The following GPC6 variants were observed in gnomAD, a reference collection of about 807,000 sequenced individuals.
GPC6 encodes glypican-6.
GPC6 carries 14 observed loss-of-function variants against 55.2 expected under a neutral mutation model. That is an observed-to-expected ratio of 0.25 (90% CI 0.17 to 0.40). The LOEUF (loss-of-function observed/expected upper bound fraction) is 0.40. Ranked by LOEUF, GPC6 falls within the 10% of genes least tolerant of loss-of-function variation. GPC6 has a pLI of 1.00. For missense variants in GPC6, 641 were observed against 708.5 expected (o/e 0.90, Z 1.08); for synonymous variants, 278 against 259.6 (o/e 1.07, Z -0.68).
chr13:93,623,412 T>C (rs954972000), intron 2 of GPC6, among the ~76,000 whole-genome samples: 1 of 151,774 alleles, frequency 6.6e-6, no homozygotes, highest in African/African-American at 2.4e-5. Flanking sequence ...TGTTCCCTTT[T>C]CTCTACTTCC....
intron 3 of GPC6, among the ~76,000 whole-genome samples, chr13:94,009,199 A>C (rs984314119): frequency 3.3e-5 from 5 of 152,192 alleles, no homozygotes; most frequent in African/African-American, 1.2e-4. Flanking sequence ...GATAAATATT[A>C]CTTATGGACA....
At chr13:93,792,236 T>C (rs998785462) in intron 2 of GPC6, among the ~76,000 whole-genome samples, 1 of 152,268 alleles carries the variant, frequency 6.6e-6, no homozygotes, top group Non-Finnish European at 1.5e-5. Flanking sequence ...TAGTTTTCTC[T>C]AATTTCTAAC....
At chr13:93,636,106 G>A (rs1879682190) in intron 2 of GPC6, among the ~76,000 whole-genome samples, 1 of 152,072 alleles carries the variant, frequency 6.6e-6, no homozygotes, top group Admixed American at 6.6e-5. Context: ...CTATGATGAG[G>A]GAGAGATTAG....
At chr13:93,677,584 G>A (rs751657820) in intron 2 of GPC6, among the ~76,000 whole-genome samples, 7 of 152,000 alleles carry the variant, frequency 4.6e-5, no homozygotes, top group Non-Finnish European at 1.0e-4. Flanking sequence ...TGAAATGGTC[G>A]GTTGAGACTA....
intron 2 of GPC6, among the ~76,000 whole-genome samples, chr13:93,560,584 G>A (rs1462604511): frequency 2.6e-5 from 4 of 151,094 alleles, no homozygotes; most frequent in East Asian, 2.0e-4. Flanking sequence ...GGCCGGGAGC[G>A]GTGGCTCATG....
At chr13:93,731,446 C>G (rs1883816661) in intron 2 of GPC6, among the ~76,000 whole-genome samples, 2 of 152,124 alleles carry the variant, frequency 1.3e-5, no homozygotes, top group South Asian at 4.1e-4. Flanking sequence ...ATGGAACATT[C>G]CAGACTGCTG....
chr13:94,398,096 TA>T (rs1227590547), intron 7 of GPC6, among the ~76,000 whole-genome samples: 1 of 152,154 alleles, frequency 6.6e-6, no homozygotes, highest in Non-Finnish European at 1.5e-5. Flanking sequence ...GTGAATCTAT[TA>T]AACCTCTTTT....
chr13:94,001,063 G>C (rs1881777429), intron 3 of GPC6, among the ~76,000 whole-genome samples: 1 of 152,058 alleles, frequency 6.6e-6, no homozygotes, highest in Non-Finnish European at 1.5e-5. Flanking sequence ...ATATTACCTA[G>C]CTTAAAAGAC....
intron 4 of GPC6, among the ~76,000 whole-genome samples, chr13:94,108,238 G>A (rs1886124654): frequency 6.6e-6 from 1 of 152,070 alleles, no homozygotes; most frequent in African/African-American, 2.4e-5. Flanking sequence ...AGCATTCACA[G>A]CAACCTGGAT....
At chr13:94,006,516 G>A (rs1882026871) in intron 3 of GPC6, among the ~76,000 whole-genome samples, 1 of 152,168 alleles carries the variant, frequency 6.6e-6, no homozygotes, top group Admixed American at 6.6e-5. Flanking sequence ...TTGTATGATA[G>A]CATCAAGGTT....
At chr13:94,014,837 A>G (rs891542657) in intron 3 of GPC6, among the ~76,000 whole-genome samples, 2 of 152,216 alleles carry the variant, frequency 1.3e-5, no homozygotes, top group Admixed American at 1.3e-4. Context: ...ATGTTTTCAA[A>G]GTTCATCCAT....
intron 2 of GPC6, among the ~76,000 whole-genome samples, chr13:93,695,603 A>G (rs1419816463): frequency 2.6e-5 from 4 of 152,254 alleles, no homozygotes; most frequent in South Asian, 4.1e-4. Context: ...CTCAAAATAC[A>G]TATTGGCACA....
At chr13:94,179,228 G>T (rs1262411375) in intron 4 of GPC6, among the ~76,000 whole-genome samples, 1 of 152,188 alleles carries the variant, frequency 6.6e-6, no homozygotes, top group African/African-American at 2.4e-5. Flanking sequence ...TTCTACTATT[G>T]ACATCCTTCT....
At chr13:93,270,684 C>T (rs796256469) in intron 1 of GPC6, among the ~76,000 whole-genome samples, 2 of 147,132 alleles carry the variant, frequency 1.4e-5, no homozygotes, top group African/African-American at 5.0e-5. Context: ...AGCATTTTCA[C>T]ATTTTCCTTC....
chr13:93,582,966 T>C (rs572659383), intron 2 of GPC6, among the ~76,000 whole-genome samples: 85 of 151,970 alleles, frequency 5.6e-4, no homozygotes, highest in African/African-American at 1.9e-3. Flanking sequence ...TGCAGAGTTC[T>C]TCCCCATAAA....
chr13:93,839,847 T>C (rs1164305257), intron 3 of GPC6, among the ~76,000 whole-genome samples: 1 of 152,190 alleles, frequency 6.6e-6, no homozygotes, highest in Non-Finnish European at 1.5e-5. Context: ...ATTTTTTTGA[T>C]ATGTTGTTGG....
At chr13:94,298,537 A>C (rs1201489036) in intron 5 of GPC6, among the ~76,000 whole-genome samples, 1 of 152,176 alleles carries the variant, frequency 6.6e-6, no homozygotes. Flanking sequence ...CTGAGCTCTG[A>C]GCCCAGCTGT....
At chr13:94,108,031 T>G (rs554737752) in intron 4 of GPC6, among the ~76,000 whole-genome samples, 25 of 152,242 alleles carry the variant, frequency 1.6e-4, no homozygotes, top group Admixed American at 4.6e-4. Context: ...GCAATCTCAC[T>G]TCTGGGTATC....
In GPC6 at chr13:93,928,620, G is replaced by C. The variant is rs139449624; in HGVS notation, c.711+98075G>C. Among the ~76,000 whole-genome samples, 115 of 152,108 alleles carry C rather than the reference G, an allele frequency of 7.6e-4. 1 individual carries two copies. Among genetic ancestry groups the C allele is most frequent in the African/African-American group, 2.7e-3 (110 of 41,494 alleles). On this transcript the variant is annotated intron_variant, in intron 3 of 8. Transcript: ENST00000377047. ...GACTGACAAGGCCTCTAAATAACTA[G>C]AGTGGCCCAAAACAGTGCATTTTCA...
Sources: gnomAD v4.1 joint callset for allele counts (sites outside exome capture counted in the v4.1 genomes callset) on GRCh38, gnomAD v4.1.1 for gene constraint, MANE v1.5 for transcripts, NCBI Gene and HGNC (gene_info 2026-07-23, HGNC 2026-07-21) for gene names.